Variants in TMEM164 observed in about 807,000 individuals in gnomAD.
TMEM164 encodes transmembrane protein 164, also known as RP13-360B22.2.
A neutral mutation model predicts 18.8 loss-of-function variants in TMEM164; 4 were observed. The ratio of observed to expected loss-of-function variants is 0.21; its 90% CI spans 0.10 to 0.49. The LOEUF (loss-of-function observed/expected upper bound fraction) is 0.49, where lower values mean the gene tolerates loss of function less well. Among genes scored for constraint, TMEM164 ranks in the 20% least tolerant of loss-of-function variants. The pLI is 0.98. For synonymous variants in TMEM164, 86 were observed against 101.7 expected (o/e 0.85, Z 0.93); for missense variants, 108 against 239.9 (o/e 0.45, Z 3.63).
chrX:110,129,586 A>T (rs1206195540), intron 4 of TMEM164, among the ~76,000 whole-genome samples: 1 of 112,786 alleles, frequency 8.9e-6, no homozygotes, highest in Non-Finnish European at 1.9e-5. Flanking sequence ...AAACAATTTT[A>T]AAAATATTTT....
intron 3 of TMEM164, among the ~76,000 whole-genome samples, chrX:110,105,876 G>A: frequency 1.8e-5 from 2 of 111,158 alleles, no homozygotes; most frequent in Middle Eastern, 4.6e-3. Context: ...ACATCTGAGC[G>A]TGACTTCAGC....
intron 5 of TMEM164, among the ~76,000 whole-genome samples, chrX:110,163,179 C>T (rs1307411314): frequency 1.8e-5 from 2 of 111,346 alleles, no homozygotes; most frequent in East Asian, 5.6e-4. Flanking sequence ...GGGAGGGAAG[C>T]CTGATAAGAG....
chrX:110,133,192 C>A (rs2066637039), intron 4 of TMEM164, among the ~76,000 whole-genome samples: 1 of 111,127 alleles, frequency 9.0e-6, no homozygotes, highest in Non-Finnish European at 1.9e-5. Context: ...GCTCTGTCAC[C>A]CAGGCTGGAG....
intron 2 of TMEM164, among the ~76,000 whole-genome samples, chrX:110,059,637 T>G (rs1056114883): frequency 8.9e-6 from 1 of 112,345 alleles, no homozygotes; most frequent in African/African-American, 3.2e-5. Context: ...TAGAGCAAGC[T>G]TGTCCAGCCT....
At chrX:110,007,895 A>T (rs1932806405) in intron 2 of TMEM164, among the ~76,000 whole-genome samples, 1 of 112,127 alleles carries the variant, frequency 8.9e-6, no homozygotes, top group South Asian at 3.7e-4. Context: ...CACAGAACTT[A>T]GTGGGGTGAA....
At chrX:110,124,406 C>CA (rs2066500732) in intron 4 of TMEM164, among the ~76,000 whole-genome samples, 1 of 111,822 alleles carries the variant, frequency 8.9e-6, no homozygotes, top group Non-Finnish European at 1.9e-5. Flanking sequence ...TCTCTTACCT[C>CA]AACAGGTGGC....
At chrX:110,079,084 A>G (rs1358040116) in intron 3 of TMEM164, among the ~76,000 whole-genome samples, 1 of 110,986 alleles carries the variant, frequency 9.0e-6, no homozygotes, top group Non-Finnish European at 1.9e-5. Context: ...GGCCTTTAAG[A>G]TATATATTTT....
rs1781169092 is a variant in TMEM164, at chrX:110,104,364, T to G, written c.441-4716T>G. Among the ~76,000 whole-genome samples the G allele has an allele frequency of 2.7e-5, 3 of 111,901 alleles. No individual in the cohort carries two copies. The South Asian group carries it at 1.1e-3, about 42-fold the overall frequency. On this transcript the variant is annotated intron_variant, in intron 3 of 6. Transcript: ENST00000372068. ...TCATCTCCGAATGGGCTGTTCTTTC[T>G]CCAGTAAATGGTTGATCCCAATAAA...
Position 110,092,888 on chromosome X carries a change from A to G in TMEM164, c.441-16192A>G, listed in dbSNP as rs191245502. Among the ~76,000 whole-genome samples, 397 of 112,052 alleles carry G rather than the reference A, an allele frequency of 3.5e-3. 1 individual carries two copies. The highest frequency in any genetic ancestry group is 0.011 in the African/African-American group (350 of 30,871). On this transcript the variant is annotated intron_variant, in intron 3 of 6. Coordinates refer to ENST00000372068, the MANE Select transcript of TMEM164 (RefSeq NM_032227.4). The stretch of plus-strand genomic sequence containing the variant: ...TATTATTTTGAGATATGTCCCATCA[A>G]TACCTAGTTTATTGAGAATTTTTAG...
chrX:110,037,568 G>T (rs1272438772), intron 2 of TMEM164, among the ~76,000 whole-genome samples: 2 of 112,136 alleles, frequency 1.8e-5, no homozygotes, highest in East Asian at 5.6e-4. Context: ...CTGGGGGGCT[G>T]TGGAGAATGG....
chrX:110,088,841 G>A (rs1304443883), intron 3 of TMEM164, among the ~76,000 whole-genome samples: 1 of 112,098 alleles, frequency 8.9e-6, no homozygotes, highest in African/African-American at 3.2e-5. Context: ...CTTTAAGCAT[G>A]TATTTAGATG....
intron 4 of TMEM164, among the ~76,000 whole-genome samples, chrX:110,122,289 G>A (rs760987421): frequency 1.3e-4 from 14 of 108,743 alleles, no homozygotes; most frequent in African/African-American, 4.4e-4. Flanking sequence ...CATGGATGAA[G>A]CTGGAAATCA....
intron 2 of TMEM164, among the ~76,000 whole-genome samples, chrX:110,047,385 T>C (rs1453685952): frequency 2.7e-5 from 3 of 112,363 alleles, no homozygotes; most frequent in Admixed American, 1.9e-4. Context: ...GTGTTTAAGT[T>C]ACAGACTTGG....
At chrX:110,104,642 T>G (rs2066159271) in intron 3 of TMEM164, among the ~76,000 whole-genome samples, 1 of 112,128 alleles carries the variant, frequency 8.9e-6, no homozygotes, top group South Asian at 3.7e-4. Context: ...ACTTATGGTA[T>G]TGATAAATGT....
At chrX:110,183,145 G>C (rs756813010), downstream of TMEM164, among the ~76,000 whole-genome samples, 7 of 112,463 alleles carry the variant, frequency 6.2e-5, no homozygotes, top group Admixed American at 2.8e-4. Flanking sequence ...CCCCTGACTA[G>C]AAAGACAATG....
At chrX:110,139,931 G>A (rs752280367) in intron 4 of TMEM164, among the ~76,000 whole-genome samples, 1 of 111,276 alleles carries the variant, frequency 9.0e-6, no homozygotes, top group African/African-American at 3.3e-5. Flanking sequence ...GCATGACAGA[G>A]GTTATGGAGA....
At chrX:110,006,639 G>A (rs768793913) in intron 2 of TMEM164, among the ~76,000 whole-genome samples, 1 of 110,757 alleles carries the variant, frequency 9.0e-6, no homozygotes, top group Admixed American at 9.6e-5. Context: ...TTTCTGTCTT[G>A]GTTGCAGCAA....
intron 3 of TMEM164, among the ~76,000 whole-genome samples, chrX:110,107,355 A>G (rs2066219567): frequency 8.9e-6 from 1 of 112,222 alleles, no homozygotes; most frequent in African/African-American, 3.2e-5. Flanking sequence ...GGGAAAAGTA[A>G]TTGTACCTAT....
rs1330402387 is a variant in TMEM164 at position 110,163,759 on chromosome X, T to A, written c.587-7661T>A. On this transcript the variant is annotated intron_variant, in intron 5 of 6. Transcript: ENST00000372068. ...CGAAACAGTGACTGGAGTGATGCTGTTGAGTAGGGGAGAGGGGATGGAATC... is the reference window on the plus strand; with the variant it reads ...CGAAACAGTGACTGGAGTGATGCTGATGAGTAGGGGAGAGGGGATGGAATC... Among the ~76,000 whole-genome samples, 6 of 111,517 alleles carry A rather than the reference T, an allele frequency of 5.4e-5. No individual in the cohort carries two copies. The East Asian group carries it at 1.7e-3, about 31-fold the overall frequency.
Sources: gnomAD v4.1 joint callset for allele counts (sites outside exome capture counted in the v4.1 genomes callset) on GRCh38, gnomAD v4.1.1 for gene constraint, MANE v1.5 for transcripts, NCBI Gene and HGNC (gene_info 2026-07-23, HGNC 2026-07-21) for gene names.